The following CDH15 variants were observed in gnomAD, a reference collection of about 807,000 sequenced individuals.
CDH15 encodes cadherin 15, also known as cadherin-15.
Under a neutral mutation model 69.4 loss-of-function variants are expected in CDH15, and 73 were observed. That is an observed-to-expected ratio of 1.05 (90% CI 0.87 to 1.28). The LOEUF (loss-of-function observed/expected upper bound fraction) is 1.28. Among genes scored for constraint, CDH15 ranks in the 50% most tolerant of loss-of-function variants. The probability of loss-of-function intolerance (pLI) is 0.00; values close to 1 mark genes in which losing one functional copy is unlikely to be tolerated. For synonymous variants in CDH15, 624 were observed against 507.7 expected, an observed-to-expected ratio of 1.23 and a Z score of -3.08; for missense variants, 1,343 against 1,133.6, an observed-to-expected ratio of 1.18 and a Z score of -2.65.
At position 89,190,509 on chromosome 16, in the gene CDH15, A is replaced by G; in HGVS notation, c.1232+13A>G. On this transcript the variant is annotated intron_variant, in intron 8 of 13. Coordinates refer to ENST00000289746, the MANE Select transcript of CDH15 (RefSeq NM_004933.3). ...TGCAGAGGCTCAGGTGGGGCTCCTGAGGCCCTGGGAGAGGTAGAGGAGGCT... is the reference window on the plus strand; with the variant it reads ...TGCAGAGGCTCAGGTGGGGCTCCTGGGGCCCTGGGAGAGGTAGAGGAGGCT... 1 of 1,580,970 alleles carries G rather than the reference A, an allele frequency of 6.3e-7. No homozygotes were observed. Among genetic ancestry groups the G allele is most frequent in the Non-Finnish European group, 8.6e-7 (1 of 1,164,410 alleles).
intron 9 of CDH15, 63 bp downstream of exon 9, chr16:89,191,535 CA>C: frequency 1.2e-6 from 2 of 1,600,506 alleles, no homozygotes; most frequent in East Asian, 4.5e-5. Context: ...GCACCCCTGC[CA>C]GTGTCGGAGG....
chr16:89,193,904 C>A lies in CDH15; in HGVS notation c.2142C>A (p.Phe714Leu). 6.2e-7 allele frequency: 1 copy of A among 1,612,200 alleles called. No individual in the cohort carries two copies. Among genetic ancestry groups the A allele is most frequent in the Non-Finnish European group, 8.5e-7 (1 of 1,179,786 alleles). Residue 714 changes from phenylalanine (F) to leucine (L), a missense_variant, in exon 13 of 14, where the codon TTC becomes TTA. Transcript: ENST00000289746. ...LPTSPLDIAD[F>L]INDGLEAADS... ...CCAGCCCCCTGGACATCGCCGACTT[C>A]ATCAATGATGTAGGTGCTCCTGGGG...
chr16:89,175,695 G>A (rs1216826041), intron 1 of CDH15, among the ~76,000 whole-genome samples: 2 of 152,254 alleles, frequency 1.3e-5, no homozygotes, highest in African/African-American at 4.8e-5. Context: ...TGCCCTGGAA[G>A]TGGCTTGTGC....
chr16:89,180,182 C>G lies in CDH15; in HGVS notation c.202-18C>G, dbSNP rs767589155. ...CCGCCCGGAGCAGCTCTCCCCAAAC[C>G]CATTTCCTGCCCCACAGATCAAGTC... On this transcript the variant is annotated intron_variant, in intron 2 of 13. Coordinates refer to ENST00000289746, the MANE Select transcript of CDH15 (RefSeq NM_004933.3). 2.5e-6 allele frequency: 4 copies of G among 1,609,892 alleles called. No homozygotes were observed. Among genetic ancestry groups the G allele is most frequent in the African/African-American group, 2.7e-5 (2 of 74,820 alleles).
At position 89,191,809 on chromosome 16, in the gene CDH15, GC is replaced by G. The variant is rs763850576; in HGVS notation, c.1537del (p.His513ThrfsTer9). The G allele has an allele frequency of 1.2e-5, 20 of 1,604,956 alleles. No individual in the cohort carries two copies. Among genetic ancestry groups the G allele is most frequent in the Middle Eastern group, 1.7e-4 (1 of 6,052 alleles). On this transcript the variant is annotated frameshift_variant, in exon 10 of 14. Transcript: ENST00000289746. LOFTEE classifies it high-confidence loss of function. ...LLLGATDEDL[P>X]PHGAPFHFQL... The stretch of plus-strand genomic sequence containing the variant: ...TCCTGGGCGCCACGGATGAGGACCT[GC>G]CCCCCCACGGGGCCCCCTTCCACTT...
chr16:89,193,550 G>A lies in CDH15; in HGVS notation c.1936G>A (p.Asp646Asn). 1 of 1,611,114 alleles carries A rather than the reference G, an allele frequency of 6.2e-7. No homozygotes were observed. The highest frequency in any genetic ancestry group is 1.3e-5 in the African/African-American group (1 of 74,932). The change falls in exon 12 of 14, where the codon GAC (aspartate) becomes AAC (asparagine). Residue 646 changes from aspartate to asparagine, a missense_variant. Physicochemically the swap from Asp to Asn is conservative, Grantham distance 23. Coordinates refer to ENST00000289746, the MANE Select transcript of CDH15 (RefSeq NM_004933.3). ...GGGGCTGCTGCACGGCCCCCAGGAC[G>A]ACCTTCGAGACAATGTCCTCAACTA... Reference protein sequence around the residue: ...GKGLLHGPQDDLRDNVLNYDE... With the variant: ...GKGLLHGPQDNLRDNVLNYDE...
Position 89,191,684 on chromosome 16 carries a change from C to T in CDH15, c.1405C>T (p.Leu469=), listed in dbSNP as rs1460227082. The T allele has an allele frequency of 1.9e-6, 3 of 1,599,924 alleles. No homozygotes were observed. Among genetic ancestry groups the T allele is most frequent in the Non-Finnish European group, 2.5e-6 (3 of 1,177,442 alleles). The change falls in exon 10 of 14, where the codon CTG becomes TTG. Residue 469 remains leucine (L), a synonymous_variant. Transcript: ENST00000289746. The part of the protein sequence containing the change: ...ASQPRTATGT[L]SIEILEVNDH... Reference sequence around the variant, plus strand: ...CCAGCCCCGCACCGCCACCGGCACCCTGTCCATCGAGATCCTGGAGGTGAA... The same window carrying T: ...CCAGCCCCGCACCGCCACCGGCACCTTGTCCATCGAGATCCTGGAGGTGAA...
chr16:89,192,220 TGC>T lies in CDH15; in HGVS notation c.1633_1634del (p.Arg545AlafsTer111). The T allele has an allele frequency of 6.5e-7, 1 of 1,528,944 alleles. No individual in the cohort carries two copies. The highest frequency in any genetic ancestry group is 8.7e-7 in the Non-Finnish European group (1 of 1,144,462). 94.7% of individuals were successfully genotyped at this position (1,528,944 alleles called of 1,614,324 possible). A position where few individuals can be genotyped will look rare whatever the true frequency, so the allele number is the denominator to read the frequency against. On this transcript the variant is annotated frameshift_variant, in exon 11 of 14. Coordinates refer to ENST00000289746, the MANE Select transcript of CDH15 (RefSeq NM_004933.3). LOFTEE classifies it high-confidence loss of function. ...CCCTCCGCAGTGAGCCACGCGCGCC[TGC>T]GGCCGCGACACCAGGTCCCCGAAGG...
chr16:89,192,067 T>G, intron 10 of CDH15, 138 bp from the exon 11 acceptor site: 1 of 1,177,832 alleles, frequency 8.5e-7, no homozygotes, highest in Non-Finnish European at 1.2e-6. Context: ...GGGTTACTCA[T>G]TGTGCCCAGA....
rs780071585 is a variant in CDH15, at chr16:89,191,914, G to A, written c.1615+20G>A. 3.9e-6 allele frequency: 6 copies of A among 1,533,562 alleles called. No homozygotes were observed. The Middle Eastern group carries it at 6.9e-4, about 175-fold the overall frequency. 95.0% of individuals were successfully genotyped at this position (1,533,562 alleles called of 1,614,324 possible). Reference sequence around the variant, plus strand: ...TCAACGGTGCGCTCCCCTCACCGCCGCGCTCCCCCCATCCCCACGCTCCCC... The same window carrying A: ...TCAACGGTGCGCTCCCCTCACCGCCACGCTCCCCCCATCCCCACGCTCCCC... On this transcript the variant is annotated intron_variant, in intron 10 of 13. Coordinates refer to ENST00000289746, the MANE Select transcript of CDH15 (RefSeq NM_004933.3).
chr16:89,173,330 G>A (rs1446626318), intron 1 of CDH15, among the ~76,000 whole-genome samples: 1 of 152,172 alleles, frequency 6.6e-6, no homozygotes, highest in Non-Finnish European at 1.5e-5. Context: ...CATTCCTCCA[G>A]ACCTCTTCCT....
In CDH15 at chr16:89,191,759, G is replaced by A. The variant is rs751116167; in HGVS notation, c.1480G>A (p.Glu494Lys). The change falls in exon 10 of 14, where the codon GAG (glutamate) becomes AAG (lysine). Residue 494 changes from glutamate to lysine, a missense_variant. Transcript: ENST00000289746. ...GCCGCCGCCGGGCAGCCTGTGCAGC[G>A]AGCCACACCAAGGCCCAGGCCTCCT... ...APPPPGSLCS[E>K]PHQGPGLLLG... is the part of the protein sequence containing the mutation. 7 of 1,606,334 alleles carry A rather than the reference G, an allele frequency of 4.4e-6. No individual in the cohort carries two copies. The South Asian group carries it at 6.6e-5, about 15-fold the overall frequency.
At chr16:89,175,743 A>G (rs1470008480) in intron 1 of CDH15, among the ~76,000 whole-genome samples, 1 of 152,082 alleles carries the variant, frequency 6.6e-6, no homozygotes, top group Non-Finnish European at 1.5e-5. Flanking sequence ...CAGGGCCGCC[A>G]TCTGTCAGCT....
At chr16:89,173,179 A>G (rs1915192837) in intron 1 of CDH15, among the ~76,000 whole-genome samples, 1 of 151,854 alleles carries the variant, frequency 6.6e-6, no homozygotes, top group Non-Finnish European at 1.5e-5. Flanking sequence ...CCGGCCCTCC[A>G]CCCCTCAGCC....
intron 3 of CDH15, among the ~76,000 whole-genome samples, chr16:89,182,165 C>A (rs187509602): frequency 7.4e-5 from 2 of 26,994 alleles, no homozygotes; most frequent in African/African-American, 3.2e-4. Flanking sequence ...TGCCCTCCCC[C>A]AGCCTCCCCT....
At chr16:89,193,262 GGC>G (rs1915699011) in intron 11 of CDH15, among the ~76,000 whole-genome samples, 1 of 112,542 alleles carries the variant, frequency 8.9e-6, no homozygotes, top group Admixed American at 9.6e-5. Flanking sequence ...TCCACAACCC[GGC>G]CCCCTCCTCC....
chr16:89,175,372 C>G (rs1480902181), intron 1 of CDH15, among the ~76,000 whole-genome samples: 2 of 152,358 alleles, frequency 1.3e-5, no homozygotes, highest in East Asian at 3.9e-4. Flanking sequence ...TAGCCCAAGG[C>G]CGGTGTGGCT....
chr16:89,177,173 G>A (rs1161094370), intron 1 of CDH15, among the ~76,000 whole-genome samples: 12 of 151,672 alleles, frequency 7.9e-5, no homozygotes. Context: ...CACTACACGT[G>A]GTACCGGTGG....
chr16:89,190,715 G>T (rs926717588), intron 8 of CDH15, among the ~76,000 whole-genome samples: 1 of 152,050 alleles, frequency 6.6e-6, no homozygotes, highest in African/African-American at 2.4e-5. Context: ...GCCTGTGCAC[G>T]CCAGTCTGTC....
Sources: gnomAD v4.1 joint callset for allele counts (sites outside exome capture counted in the v4.1 genomes callset) on GRCh38, gnomAD v4.1.1 for gene constraint, MANE v1.5 for transcripts, NCBI Gene and HGNC (gene_info 2026-07-23, HGNC 2026-07-21) for gene names.